IL17B: variants seen among roughly 807,000 people sequenced by gnomAD.
IL17B encodes interleukin 17B, also known as interleukin-17B.
IL17B carries 14 observed loss-of-function variants against 14.7 expected under a neutral mutation model. That is an observed-to-expected ratio of 0.95 (90% CI 0.63 to 1.49). IL17B has a LOEUF of 1.49. IL17B is among the 40% of genes most tolerant of loss of function. The pLI is 0.00. For missense variants in IL17B, 233 were observed against 252.8 expected (o/e 0.92, Z 0.53); for synonymous variants, 105 against 94.8 (o/e 1.11, Z -0.62).
intron 1 of IL17B, among the ~76,000 whole-genome samples, chr5:149,402,174 A>C (rs893248043): frequency 1.1e-4 from 17 of 152,108 alleles, no homozygotes; most frequent in African/African-American, 3.9e-4. Flanking sequence ...CAGTGCACTG[A>C]CCATGGTGGA....
At chr5:149,401,144 C>A (rs1364505959) in intron 1 of IL17B, among the ~76,000 whole-genome samples, 1 of 152,214 alleles carries the variant, frequency 6.6e-6, no homozygotes, top group African/African-American at 2.4e-5. Context: ...CTTGACAGGA[C>A]AATTTTGTGG....
intron 1 of IL17B, among the ~76,000 whole-genome samples, chr5:149,394,168 G>A (rs1759045962): frequency 1.3e-5 from 2 of 152,102 alleles, no homozygotes; most frequent in African/African-American, 2.4e-5. Flanking sequence ...AATGACAGTC[G>A]CACGAGTGTA....
intron 1 of IL17B, among the ~76,000 whole-genome samples, chr5:149,393,669 C>T (rs781579129): frequency 6.6e-6 from 1 of 152,142 alleles, no homozygotes; most frequent in Non-Finnish European, 1.5e-5. Context: ...TTCCTCTCTT[C>T]CTCCCTTCCT....
In IL17B at chr5:149,379,219, A is replaced by C. The variant is rs767430336; in HGVS notation, c.7T>G (p.Trp3Gly). 3.1e-6 allele frequency: 5 copies of C among 1,614,032 alleles called. No individual in the cohort carries two copies. The highest frequency in any genetic ancestry group is 4.2e-6 in the Non-Finnish European group (5 of 1,179,996). Reference sequence around the variant, plus strand: ...GCGCCACGTACCAGGTTGTGAGGCCAGTCCATTCCGCCAAGCTGCAAGGTC... The same window carrying C: ...GCGCCACGTACCAGGTTGTGAGGCCCGTCCATTCCGCCAAGCTGCAAGGTC... MD[W>G]PHNLLFLLTI... is the part of the protein sequence containing the mutation. Residue 3 changes from tryptophan to glycine, a missense_variant, in exon 1 of 3, where the codon TGG becomes GGG. Trp to Gly is a radical substitution (Grantham distance 184). Transcript: ENST00000261796.
At chr5:149,385,174 G>A (rs1758798703) in intron 1 of IL17B, among the ~76,000 whole-genome samples, 1 of 151,850 alleles carries the variant, frequency 6.6e-6, no homozygotes, top group Non-Finnish European at 1.5e-5. Flanking sequence ...TGACCAACAT[G>A]GAGAAACTCC....
chr5:149,377,804 AGGGGTGGGTT>A (rs1758585172), intron 1 of IL17B, among the ~76,000 whole-genome samples: 1 of 122,922 alleles, frequency 8.1e-6, no homozygotes, highest in Admixed American at 8.4e-5. Context: ...CAGGTGTGGG[AGGGGTGGGTT>A]GGGGGAAGAT....
At chr5:149,381,104 A>C (rs111287347), upstream of IL17B, among the ~76,000 whole-genome samples, 1,502 of 152,244 alleles carry the variant, frequency 9.9e-3, 33 homozygotes, top group African/African-American at 0.034. Context: ...AACTGGGGTG[A>C]CCCTCCCATA....
At chr5:149,387,635 G>A (rs538422328) in intron 1 of IL17B, among the ~76,000 whole-genome samples, 11 of 135,894 alleles carry the variant, frequency 8.1e-5, no homozygotes, top group African/African-American at 2.5e-4. Context: ...TTAGCCAGGC[G>A]TGGTGGCATG....
intron 1 of IL17B, among the ~76,000 whole-genome samples, chr5:149,398,736 A>C (rs1759146778): frequency 6.6e-6 from 1 of 152,144 alleles, no homozygotes; most frequent in Non-Finnish European, 1.5e-5. Flanking sequence ...GATAAACCCC[A>C]TCTCTACTAA....
chr5:149,390,220 C>G (rs537389178), intron 1 of IL17B, among the ~76,000 whole-genome samples: 6 of 147,932 alleles, frequency 4.1e-5, no homozygotes, highest in Admixed American at 1.3e-4. Flanking sequence ...ATTAGTGACC[C>G]CCCCCCTCCC....
chr5:149,400,070 T>A (rs1459338482), intron 1 of IL17B, among the ~76,000 whole-genome samples: 2 of 152,030 alleles, frequency 1.3e-5, no homozygotes, highest in Admixed American at 6.6e-5. Context: ...ATGTCCCCCC[T>A]CCCCAAATTT....
At chr5:149,402,043 A>T (rs529446280) in intron 1 of IL17B, among the ~76,000 whole-genome samples, 1 of 152,172 alleles carries the variant, frequency 6.6e-6, no homozygotes, top group African/African-American at 2.4e-5. Context: ...TGGTGATAGC[A>T]GGAAGTCCAG....
upstream of IL17B, chr5:149,379,379 C>G (rs1758628227): frequency 2.4e-6 from 2 of 829,216 alleles, no homozygotes; most frequent in Non-Finnish European, 1.9e-6. Context: ...CAGCTGGGAG[C>G]CTTGGGCCCC....
intron 1 of IL17B, among the ~76,000 whole-genome samples, chr5:149,390,301 T>C (rs1211027257): frequency 6.6e-6 from 1 of 150,844 alleles, no homozygotes; most frequent in Non-Finnish European, 1.5e-5. Flanking sequence ...AAGCTCATGA[T>C]CTAAGGAGGC....
At chr5:149,397,124 A>G (rs1366439313) in intron 1 of IL17B, among the ~76,000 whole-genome samples, 1 of 152,216 alleles carries the variant, frequency 6.6e-6, no homozygotes, top group African/African-American at 2.4e-5. Context: ...GGCCATTGCA[A>G]TTAAGTGATA....
intron 1 of IL17B, among the ~76,000 whole-genome samples, chr5:149,378,848 C>A (rs924977890): frequency 6.6e-6 from 1 of 152,256 alleles, no homozygotes; most frequent in Non-Finnish European, 1.5e-5. Flanking sequence ...CTCCCTCACT[C>A]TCCAGATGGG....
At chr5:149,400,120 C>T (rs1759177819) in intron 1 of IL17B, among the ~76,000 whole-genome samples, 1 of 152,180 alleles carries the variant, frequency 6.6e-6, no homozygotes, top group Non-Finnish European at 1.5e-5. Context: ...CAGAATTTGA[C>T]CTTATTTGGA....
At chr5:149,394,405 A>C (rs1759050360) in intron 1 of IL17B, among the ~76,000 whole-genome samples, 1 of 152,220 alleles carries the variant, frequency 6.6e-6, no homozygotes, top group Non-Finnish European at 1.5e-5. Flanking sequence ...GAGAAATTTT[A>C]TCTTTCACAA....
chr5:149,376,827 T>C lies in IL17B; in HGVS notation c.220A>G (p.Arg74Gly). 1.2e-6 allele frequency: 2 copies of C among 1,614,018 alleles called. No individual in the cohort carries two copies. Among genetic ancestry groups the C allele is most frequent in the Non-Finnish European group, 1.7e-6 (2 of 1,179,874 alleles). The change falls in exon 2 of 3, where the codon AGG (arginine) becomes GGG (glycine). Residue 74 changes from arginine (R) to glycine (G), a missense_variant. Physicochemically the swap from Arg to Gly is moderately radical, Grantham distance 125. Coordinates refer to ENST00000261796, the MANE Select transcript of IL17B (RefSeq NM_014443.3). ...RNIEEMVAQL[R>G]NSSELAQRKC... ...CTCTGGGCCAGCTCTGAGCTGTTCCTCAGCTGGGCCACCATCTCCTCGATG... is the reference window on the plus strand; with the variant it reads ...CTCTGGGCCAGCTCTGAGCTGTTCCCCAGCTGGGCCACCATCTCCTCGATG...
Sources: gnomAD v4.1 joint callset for allele counts (sites outside exome capture counted in the v4.1 genomes callset) on GRCh38, gnomAD v4.1.1 for gene constraint, MANE v1.5 for transcripts, NCBI Gene and HGNC (gene_info 2026-07-23, HGNC 2026-07-21) for gene names.